LINGO2: variants seen among roughly 807,000 people sequenced by gnomAD.
LINGO2 encodes leucine rich repeat and Ig domain containing 2, also known as leucine-rich repeat and immunoglobulin-like domain-containing nogo receptor-interacting protein 2.
Under a neutral mutation model 30.6 loss-of-function variants are expected in LINGO2, and 14 were observed. The observed-to-expected ratio is 0.46, with a 90% CI of 0.30 to 0.72. The LOEUF is 0.72. LINGO2 is among the 30% of genes least tolerant of loss of function. The probability of loss-of-function intolerance (pLI) is 0.07; values close to 1 mark genes in which losing one functional copy is unlikely to be tolerated. For missense variants in LINGO2, 729 were observed against 751.7 expected, an observed-to-expected ratio of 0.97 and a Z score of 0.35; for synonymous variants, 317 against 288.5, an observed-to-expected ratio of 1.10 and a Z score of -1.00.
intron 4 of LINGO2, among the ~76,000 whole-genome samples, chr9:28,062,311 T>C (rs923424480): frequency 2.0e-5 from 3 of 151,852 alleles, no homozygotes; most frequent in African/African-American, 7.2e-5. Flanking sequence ...ATTAAGGAGT[T>C]AGCATTTTCC....
chr9:29,000,647 G>A, the LINGO2 span, among the ~76,000 whole-genome samples: 5 of 151,840 alleles, frequency 3.3e-5, no homozygotes, highest in African/African-American at 7.2e-5. Context: ...TACGCAATAC[G>A]AAATACAAAC....
intron 1 of LINGO2, among the ~76,000 whole-genome samples, chr9:28,551,765 A>G (rs1822297021): frequency 6.6e-6 from 1 of 152,030 alleles, no homozygotes; most frequent in African/African-American, 2.4e-5. Flanking sequence ...TTGACATTCT[A>G]TTTTGGAAGA....
the LINGO2 span, chr9:28,889,089 G>C: frequency 5.5e-6 from 2 of 360,480 alleles, no homozygotes; most frequent in South Asian, 4.3e-5. Context: ...TTTTCAAACA[G>C]TTTTGTGGGC....
the LINGO2 span, among the ~76,000 whole-genome samples, chr9:29,112,376 G>A: frequency 3.3e-5 from 5 of 152,068 alleles, no homozygotes; most frequent in African/African-American, 1.2e-4. Context: ...CCAGGAATCT[G>A]CTCTTGTGGG....
intron 5 of LINGO2, among the ~76,000 whole-genome samples, chr9:27,990,057 C>T (rs913401654): frequency 6.6e-6 from 1 of 152,046 alleles, no homozygotes; most frequent in African/African-American, 2.4e-5. Flanking sequence ...AGCAATCATT[C>T]CTTTGAATGA....
rs540920576 is a variant in LINGO2 at position 28,118,414 on chromosome 9, T to G, written c.-86-106009A>C. On this transcript the variant is annotated intron_variant, in intron 4 of 5. Coordinates refer to ENST00000379992, the Ensembl canonical transcript of LINGO2. ...CAGATTTTCAAAAATAATGCCAGGT[T>G]TTCATCAACATTAGCTAATAAGTAC... Among the ~76,000 whole-genome samples the G allele has an allele frequency of 2.6e-5, 4 of 152,252 alleles. No homozygotes were observed. The East Asian group carries it at 7.7e-4, about 29-fold the overall frequency.
the LINGO2 span, among the ~76,000 whole-genome samples, chr9:28,966,208 G>A: frequency 0.65 from 98,726 of 151,974 alleles, 32,744 homozygotes; most frequent in Non-Finnish European, 0.72. Context: ...GAAAAAACTG[G>A]CTAATGTCTG....
At chr9:28,414,582 T>C (rs905595532) in intron 2 of LINGO2, among the ~76,000 whole-genome samples, 10 of 152,090 alleles carry the variant, frequency 6.6e-5, no homozygotes, top group African/African-American at 2.4e-4. Flanking sequence ...GTTCCAACTA[T>C]TTGTTTAAAA....
At chr9:28,808,556 G>T in the LINGO2 span, among the ~76,000 whole-genome samples, 1 of 152,088 alleles carries the variant, frequency 6.6e-6, no homozygotes, top group Non-Finnish European at 1.5e-5. Flanking sequence ...TTTCTCACTG[G>T]ACTTACAATT....
the LINGO2 span, among the ~76,000 whole-genome samples, chr9:28,700,046 T>C: frequency 6.6e-6 from 1 of 152,040 alleles, no homozygotes; most frequent in African/African-American, 2.4e-5. Flanking sequence ...TTTTGCCCTT[T>C]GAAGCATGTG....
the LINGO2 span, among the ~76,000 whole-genome samples, chr9:28,847,969 ATGTATATATG>A: frequency 1.3e-4 from 13 of 99,514 alleles, no homozygotes; most frequent in South Asian, 9.7e-4. Context: ...ACACATATAT[ATGTATATATG>A]TGTATATATG....
chr9:29,037,397 T>TCCA, the LINGO2 span, among the ~76,000 whole-genome samples: 1 of 151,916 alleles, frequency 6.6e-6, no homozygotes, highest in Non-Finnish European at 1.5e-5. Context: ...TAATTGAAGT[T>TCCA]TTAGTGGAAC....
intron 4 of LINGO2, among the ~76,000 whole-genome samples, chr9:28,200,375 T>C (rs1260702427): frequency 6.6e-6 from 1 of 152,064 alleles, no homozygotes; most frequent in Non-Finnish European, 1.5e-5. Context: ...TTTGGAAGAA[T>C]AAATAAGACC....
chr9:28,937,447 T>C, the LINGO2 span, among the ~76,000 whole-genome samples: 1 of 152,208 alleles, frequency 6.6e-6, no homozygotes, highest in Non-Finnish European at 1.5e-5. Context: ...AAAGGGATGA[T>C]AGATCTCAAG....
At chr9:28,258,289 G>A (rs867812613) in intron 4 of LINGO2, among the ~76,000 whole-genome samples, 1 of 151,770 alleles carries the variant, frequency 6.6e-6, no homozygotes, top group Non-Finnish European at 1.5e-5. Flanking sequence ...CATAGGAGAG[G>A]AGAAAAATCT....
chr9:28,134,599 A>G lies in LINGO2; in HGVS notation c.-86-122194T>C, dbSNP rs529807555. On this transcript the variant is annotated intron_variant, in intron 4 of 5. Coordinates refer to ENST00000379992, the Ensembl canonical transcript of LINGO2. ...CGATTCCGGAGAGCACAACACAGAT[A>G]CACTCTCTAAGAGTAAGGAATCCCC... 2.6e-5 allele frequency among the ~76,000 whole-genome samples: 4 copies of G among 152,316 alleles called. No individual in the cohort carries two copies. The South Asian group carries it at 8.3e-4, about 32-fold the overall frequency.
chr9:28,092,172 T>C (rs1403135128), intron 4 of LINGO2, among the ~76,000 whole-genome samples: 1 of 152,150 alleles, frequency 6.6e-6, no homozygotes, highest in Non-Finnish European at 1.5e-5. Context: ...GAAATACCAT[T>C]TGACCCAGCC....
At chr9:28,155,140 A>G (rs773216116) in intron 4 of LINGO2, among the ~76,000 whole-genome samples, 1 of 152,220 alleles carries the variant, frequency 6.6e-6, no homozygotes, top group Admixed American at 6.5e-5. Flanking sequence ...GGTGCTTTCC[A>G]CCTTTGGGAA....
chr9:28,604,844 T>G (rs1323333529), intron 1 of LINGO2, among the ~76,000 whole-genome samples: 1 of 152,074 alleles, frequency 6.6e-6, no homozygotes, highest in African/African-American at 2.4e-5. Flanking sequence ...GGAAAGGTAT[T>G]AACTTTTTAG....
Sources: gnomAD v4.1 joint callset for allele counts (sites outside exome capture counted in the v4.1 genomes callset) on GRCh38, gnomAD v4.1.1 for gene constraint, MANE v1.5 for transcripts, NCBI Gene and HGNC (gene_info 2026-07-23, HGNC 2026-07-21) for gene names.